COLQ: variants seen among roughly 807,000 people sequenced by gnomAD.
COLQ encodes the protein acetylcholinesterase collagenic tail peptide.
In COLQ, 48 loss-of-function variants were observed where a neutral mutation model predicts 69.0. The ratio of observed to expected loss-of-function variants is 0.70; its 90% confidence interval spans 0.55 to 0.88. The LOEUF (loss-of-function observed/expected upper bound fraction) is 0.88, where lower values mean the gene tolerates loss of function less well. Ranked by LOEUF, COLQ falls within the 40% of genes least tolerant of loss-of-function variation. The pLI, the probability that COLQ is intolerant of heterozygous loss-of-function variation, is 0.00. For missense variants in COLQ, 618 were observed against 594.6 expected, an observed-to-expected ratio of 1.04 and a Z score of -0.41; for synonymous variants, 217 against 211.2, an observed-to-expected ratio of 1.03 and a Z score of -0.24.
chr3:15,459,708 A>G (rs945322093), intron 12 of COLQ, among the ~76,000 whole-genome samples: 1 of 151,884 alleles, frequency 6.6e-6, no homozygotes, highest in African/African-American at 2.4e-5. Context: ...CGAACTCCTG[A>G]CCTCAAGTGA....
intron 12 of COLQ, among the ~76,000 whole-genome samples, chr3:15,465,857 G>A (rs903221978): frequency 2.0e-5 from 3 of 151,888 alleles, no homozygotes; most frequent in East Asian, 1.9e-4. Context: ...TGCCCGTCTC[G>A]GCCTCCCAAA....
chr3:15,456,114 G>T (rs192611720), intron 14 of COLQ, 95 bp from the exon 15 acceptor site: 2 of 1,432,396 alleles, frequency 1.4e-6, no homozygotes, highest in East Asian at 2.4e-5. Flanking sequence ...GGCACTGCTG[G>T]GGGGCATGCC....
chr3:15,464,435 C>T (rs991362898), intron 12 of COLQ, among the ~76,000 whole-genome samples: 9 of 152,214 alleles, frequency 5.9e-5, no homozygotes, highest in Non-Finnish European at 1.3e-4. Context: ...CCTTCCCTGA[C>T]ATTTTTCTGC....
intron 3 of COLQ, among the ~76,000 whole-genome samples, chr3:15,481,284 T>C (rs989013627): frequency 6.6e-6 from 1 of 152,250 alleles, no homozygotes; most frequent in African/African-American, 2.4e-5. Context: ...TGCCCATGCC[T>C]ATGTCCTGAA....
chr3:15,498,813 T>C (rs1221131227), intron 1 of COLQ: 2 of 1,469,058 alleles, frequency 1.4e-6, no homozygotes, highest in African/African-American at 2.8e-5. Flanking sequence ...CAGCTGCCCA[T>C]GAACACTGCT....
At chr3:15,470,686 GCCAGTCATTGGCT>G (rs753505040) in intron 10 of COLQ, 70 bp from the exon 11 acceptor site, 12 of 1,399,796 alleles carry the variant, frequency 8.6e-6, no homozygotes, top group Non-Finnish European at 1.1e-5. Flanking sequence ...CACAGGTCTA[GCCAGTCATTGGCT>G]ACGAGGGCAG....
chr3:15,512,487 C>G (rs73033044), intron 1 of COLQ, among the ~76,000 whole-genome samples: 14,708 of 152,194 alleles, frequency 0.097, 969 homozygotes, highest in East Asian at 0.33. Context: ...CCACGAGAAG[C>G]CTCCTTCTCT....
Position 15,478,709 on chromosome 3 carries a change from G to C in COLQ, c.393+268C>G, listed in dbSNP as rs116448541. 1,463 of 581,086 alleles carry C rather than the reference G, an allele frequency of 2.5e-3. 16 individuals are homozygous for C. Among genetic ancestry groups the C allele is most frequent in the African/African-American group, 0.023 (1,260 of 53,694 alleles). The allele number at this position is 581,086 out of a possible 1,614,324, so 36.0% of individuals were successfully genotyped here. A position where few individuals can be genotyped will look rare whatever the true frequency, so the allele number is the denominator to read the frequency against. ...GTGAGATGGTCTGGGGTTGGGGCGG[G>C]AAGTGAGAGGGGTGGAATTTGGCCA... is the stretch of plus-strand genomic sequence containing the variant. On this transcript the variant is annotated intron_variant, in intron 5 of 16. Coordinates refer to ENST00000383788, the MANE Select transcript of COLQ (RefSeq NM_005677.4).
At chr3:15,472,717 C>A (rs2062308407) in intron 10 of COLQ, among the ~76,000 whole-genome samples, 1 of 152,194 alleles carries the variant, frequency 6.6e-6, no homozygotes, top group Non-Finnish European at 1.5e-5. Context: ...CCAACCCTAA[C>A]CCTCGGTAAA....
intron 3 of COLQ, 23 bp downstream of exon 3, chr3:15,488,183 G>C (rs2062605580): frequency 1.3e-6 from 2 of 1,561,080 alleles, no homozygotes; most frequent in East Asian, 2.2e-5. Flanking sequence ...GACAGCGAGA[G>C]GGGTCCGGTA....
chr3:15,475,229 A>G, intron 7 of COLQ, 196 bp downstream of exon 7: 1 of 665,784 alleles, frequency 1.5e-6, no homozygotes, highest in Non-Finnish European at 2.6e-6. Context: ...CCAAGAGAAC[A>G]GCAGGAATGG....
chr3:15,477,551 C>T (rs1048751751), intron 5 of COLQ: 5 of 289,506 alleles, frequency 1.7e-5, no homozygotes, highest in African/African-American at 1.1e-4. Context: ...ATTTGGGGAG[C>T]AGTAGCAGAT....
chr3:15,468,326 T>G (rs1417877333), intron 11 of COLQ, among the ~76,000 whole-genome samples: 2 of 137,212 alleles, frequency 1.5e-5, no homozygotes, highest in African/African-American at 5.4e-5. Context: ...CTGAAGTTTT[T>G]TTTTTTTTTT....
At chr3:15,478,815 G>T (rs1575476838) in intron 5 of COLQ, 162 bp downstream of exon 5, 1 of 825,404 alleles carries the variant, frequency 1.2e-6, no homozygotes, top group Non-Finnish European at 2.0e-6. Context: ...GACAGAAAGG[G>T]CAAGGTTACT....
intron 1 of COLQ, among the ~76,000 whole-genome samples, chr3:15,505,309 G>A (rs2062893852): frequency 6.6e-6 from 1 of 152,136 alleles, no homozygotes; most frequent in Admixed American, 6.5e-5. Flanking sequence ...GAGATGTCTT[G>A]AGGAGGAAAA....
At chr3:15,469,267 C>T (rs920766355) in intron 11 of COLQ, among the ~76,000 whole-genome samples, 1 of 152,040 alleles carries the variant, frequency 6.6e-6, no homozygotes, top group Admixed American at 6.5e-5. Context: ...CTTTGGTTAT[C>T]GCCAGGAACT....
chr3:15,451,742 G>A (rs748846015), intron 16 of COLQ, 29 bp from the exon 17 acceptor site: 1 of 1,595,262 alleles, frequency 6.3e-7, no homozygotes, highest in Non-Finnish European at 8.6e-7. Flanking sequence ...CGTTCTAAAA[G>A]GCCACCTCTT....
At chr3:15,518,705 T>G (rs937635569) in intron 1 of COLQ, among the ~76,000 whole-genome samples, 1 of 152,152 alleles carries the variant, frequency 6.6e-6, no homozygotes, top group Non-Finnish European at 1.5e-5. Flanking sequence ...TACAGGCCCA[T>G]GAGAGCTCTT....
intron 1 of COLQ, among the ~76,000 whole-genome samples, chr3:15,504,746 G>C (rs970330203): frequency 1.3e-5 from 2 of 152,192 alleles, no homozygotes; most frequent in African/African-American, 4.8e-5. Flanking sequence ...TGTAATCCCA[G>C]CTACTTGGGA....
Sources: gnomAD v4.1 joint callset for allele counts (sites outside exome capture counted in the v4.1 genomes callset) on GRCh38, gnomAD v4.1.1 for gene constraint, MANE v1.5 for transcripts, NCBI Gene and HGNC (gene_info 2026-07-23, HGNC 2026-07-21) for gene names.